The following SYNPR variants were observed in gnomAD, a reference collection of about 807,000 sequenced individuals.
SYNPR encodes synaptoporin.
In SYNPR, 23 loss-of-function variants were observed where a neutral mutation model predicts 32.9. The observed-to-expected ratio is 0.70, with a 90% confidence interval of 0.50 to 0.99. The LOEUF (loss-of-function observed/expected upper bound fraction) is 0.99. SYNPR is among the 50% of genes least tolerant of loss of function. The pLI, the probability that SYNPR is intolerant of heterozygous loss-of-function variation, is 0.00. For missense variants in SYNPR, 318 were observed against 349.3 expected (o/e 0.91, Z 0.71); for synonymous variants, 146 against 135.9 (o/e 1.07, Z -0.52).
chr3:63,211,843 A>C, the SYNPR span, among the ~76,000 whole-genome samples: 1 of 47,220 alleles, frequency 2.1e-5, no homozygotes, highest in Non-Finnish European at 4.6e-5. Context: ...ATATCTCCCA[A>C]TGCTATCCCT....
At chr3:63,563,910 A>G (rs923311943) in intron 4 of SYNPR, among the ~76,000 whole-genome samples, 7 of 151,896 alleles carry the variant, frequency 4.6e-5, no homozygotes, top group African/African-American at 1.7e-4. Flanking sequence ...AATAAAAATA[A>G]AAACAAATAT....
At chr3:63,357,893 A>G (rs1200976335) in intron 2 of SYNPR, among the ~76,000 whole-genome samples, 1 of 152,218 alleles carries the variant, frequency 6.6e-6, no homozygotes, top group Non-Finnish European at 1.5e-5. Context: ...TTTGTGACAC[A>G]GCCACATTTT....
At chr3:63,288,535 G>A (rs867317179) in intron 2 of SYNPR, among the ~76,000 whole-genome samples, 87 of 152,250 alleles carry the variant, frequency 5.7e-4, no homozygotes, top group Admixed American at 3.8e-3. Context: ...TGGCTCTTCA[G>A]CACATGGGCC....
intron 3 of SYNPR, among the ~76,000 whole-genome samples, chr3:63,484,879 G>A (rs1701115916): frequency 6.6e-6 from 1 of 152,156 alleles, no homozygotes; most frequent in Non-Finnish European, 1.5e-5. Context: ...AAGTGATAAA[G>A]TTAGAAAGGC....
In SYNPR at chr3:63,281,977, G is replaced by C. The variant is rs1321464848; in HGVS notation, c.84+3235G>C. ...ATGGGAGGATTGCTTGAGCCCAGGA[G>C]TTCAAGACCAGCCTAGCCAACATAG... On this transcript the variant is annotated intron_variant, in intron 2 of 5. Transcript: ENST00000478300. Among the ~76,000 whole-genome samples, 5 of 152,184 alleles carry C rather than the reference G, an allele frequency of 3.3e-5. No individual in the cohort carries two copies. In the East Asian group the frequency reaches 9.6e-4, roughly 29 times the overall value.
At position 63,504,418 on chromosome 3, in the gene SYNPR, T is replaced by C. The variant is rs190841478; in HGVS notation, c.209+23462T>C. Among the ~76,000 whole-genome samples, 191 of 152,294 alleles carry C rather than the reference T, an allele frequency of 1.3e-3. 1 individual carries two copies. The highest frequency in any genetic ancestry group is 4.1e-3 in the African/African-American group (169 of 41,570). On this transcript the variant is annotated intron_variant, in intron 3 of 5. Transcript: ENST00000478300. ...GAAATAAAATGTTCTTTCTGTAATC[T>C]ACTCACCTCCATCTTCCTTCTTCAC...
chr3:63,321,821 A>C (rs2087113808), intron 2 of SYNPR, among the ~76,000 whole-genome samples: 1 of 152,062 alleles, frequency 6.6e-6, no homozygotes, highest in East Asian at 1.9e-4. Flanking sequence ...CTTGAACAAA[A>C]TCAGTTCAGG....
rs915763033 is a variant in SYNPR, at chr3:63,344,252, A to G, written c.84+65510A>G. ...CAATAGCCCTTTACAAACAGAATAC[A>G]CAGTTTTCCATTTGACCCAGTTGTC... is the stretch of plus-strand genomic sequence containing the variant. On this transcript the variant is annotated intron_variant, in intron 2 of 5. Transcript: ENST00000478300. Among the ~76,000 whole-genome samples the G allele has an allele frequency of 7.2e-5, 11 of 152,312 alleles. No homozygotes were observed. In the South Asian group the frequency reaches 1.2e-3, roughly 17 times the overall value.
intron 2 of SYNPR, among the ~76,000 whole-genome samples, chr3:63,369,871 T>C (rs1163378272): frequency 6.6e-6 from 1 of 152,236 alleles, no homozygotes; most frequent in Non-Finnish European, 1.5e-5. Flanking sequence ...GAGGTTGATT[T>C]GAGTTCATGA....
At chr3:63,421,965 C>A (rs1699808669) in intron 2 of SYNPR, among the ~76,000 whole-genome samples, 1 of 152,186 alleles carries the variant, frequency 6.6e-6, no homozygotes, top group Non-Finnish European at 1.5e-5. Flanking sequence ...TTATATCAGG[C>A]CCATTTGGGA....
At chr3:63,387,738 A>G (rs79258120) in intron 2 of SYNPR, among the ~76,000 whole-genome samples, 2,611 of 152,270 alleles carry the variant, frequency 0.017, 74 homozygotes, top group African/African-American at 0.058. Context: ...CAAGAAAGGC[A>G]TTATGTAGTG....
chr3:63,475,508 G>C (rs889944882), intron 2 of SYNPR, among the ~76,000 whole-genome samples: 10 of 152,266 alleles, frequency 6.6e-5, no homozygotes, highest in African/African-American at 2.4e-4. Flanking sequence ...TCAATGTCTG[G>C]TAAGGTGAGC....
intron 4 of SYNPR, among the ~76,000 whole-genome samples, chr3:63,586,766 G>A (rs539435956): frequency 6.6e-6 from 1 of 151,544 alleles, no homozygotes; most frequent in South Asian, 2.1e-4. Flanking sequence ...AGGGACACAG[G>A]TGATTAAGAT....
chr3:63,308,725 G>C (rs563958807), intron 2 of SYNPR, among the ~76,000 whole-genome samples: 1 of 151,654 alleles, frequency 6.6e-6, no homozygotes, highest in Non-Finnish European at 1.5e-5. Flanking sequence ...TTTTCTCCCT[G>C]GGTGCATTTA....
chr3:63,246,547 C>G (rs1220871230), intron 1 of SYNPR, among the ~76,000 whole-genome samples: 9 of 151,956 alleles, frequency 5.9e-5, no homozygotes, highest in Non-Finnish European at 1.3e-4. Context: ...TAAGAATCTC[C>G]TAATCTAGAT....
the SYNPR span, among the ~76,000 whole-genome samples, chr3:63,203,824 C>T: frequency 6.6e-5 from 10 of 152,210 alleles, no homozygotes; most frequent in Non-Finnish European, 1.5e-4. Context: ...TGGTGAAACC[C>T]TATCTCTACT....
chr3:63,339,522 T>C (rs952872831), intron 2 of SYNPR, among the ~76,000 whole-genome samples: 1 of 152,230 alleles, frequency 6.6e-6, no homozygotes, highest in Non-Finnish European at 1.5e-5. Flanking sequence ...CCTATCTTTT[T>C]CAGATTTCTC....
intron 2 of SYNPR, among the ~76,000 whole-genome samples, chr3:63,399,960 G>T (rs368500290): frequency 6.6e-6 from 1 of 152,096 alleles, no homozygotes; most frequent in Non-Finnish European, 1.5e-5. Flanking sequence ...AAAGAAAAGC[G>T]CCTACAACAG....
intron 2 of SYNPR, among the ~76,000 whole-genome samples, chr3:63,283,458 A>C (rs2086648554): frequency 6.6e-6 from 1 of 152,188 alleles, no homozygotes; most frequent in Non-Finnish European, 1.5e-5. Context: ...GGGACATAGC[A>C]CTGACTCTGG....
Sources: gnomAD v4.1 joint callset for allele counts (sites outside exome capture counted in the v4.1 genomes callset) on GRCh38, gnomAD v4.1.1 for gene constraint, MANE v1.5 for transcripts, NCBI Gene and HGNC (gene_info 2026-07-23, HGNC 2026-07-21) for gene names.